TRPM6: variants seen among roughly 807,000 people sequenced by gnomAD.
The protein encoded by TRPM6 is channel kinase 2.
A neutral mutation model predicts 247.6 loss-of-function variants in TRPM6; 111 were observed. That is an observed-to-expected ratio of 0.45 (90% CI 0.38 to 0.52). TRPM6 has a LOEUF of 0.52. Among genes scored for constraint, TRPM6 ranks in the 20% least tolerant of loss-of-function variants. TRPM6 has a pLI of 0.00. For synonymous variants in TRPM6, 892 were observed against 853.8 expected (o/e 1.04, Z -0.78); for missense variants, 2,126 against 2,421.5 (o/e 0.88, Z 2.56).
At chr9:74,827,424 T>G (rs1381018311) in intron 7 of TRPM6, among the ~76,000 whole-genome samples, 2 of 152,158 alleles carry the variant, frequency 1.3e-5, no homozygotes, top group Non-Finnish European at 2.9e-5. Flanking sequence ...AACTTCGGCC[T>G]CTACTCTGTG....
intron 8 of TRPM6, among the ~76,000 whole-genome samples, chr9:74,821,150 T>A (rs968692335): frequency 6.6e-6 from 1 of 152,200 alleles, no homozygotes; most frequent in East Asian, 1.9e-4. Context: ...GCTTTTGAAA[T>A]TGGAAGAACC....
rs568054824 is a variant in TRPM6 at position 74,785,957 on chromosome 9, T to C, written c.2836A>G (p.Ile946Val). 5 of 1,614,240 alleles carry C rather than the reference T, an allele frequency of 3.1e-6. No individual in the cohort carries two copies. Among genetic ancestry groups the C allele is most frequent in the African/African-American group, 2.7e-5 (2 of 75,064 alleles). ...AGGAGCCGTGAGAACCAGAATATGA[T>C]GTCTATGCAGTAGATCAGTCTTCCC... ...TAGRLIYCID[I>V]IFWFSRLLDF... Residue 946 changes from isoleucine to valine, a missense_variant, in exon 21 of 39, where the codon ATC becomes GTC. Ile to Val is a conservative substitution (Grantham distance 29). Coordinates refer to ENST00000360774, the MANE Select transcript of TRPM6 (RefSeq NM_017662.5).
chr9:74,769,293 G>A (rs1295058959), intron 25 of TRPM6, among the ~76,000 whole-genome samples: 1 of 152,094 alleles, frequency 6.6e-6, no homozygotes, highest in African/African-American at 2.4e-5. Flanking sequence ...CTACAGGCAT[G>A]TGCCACCACT....
intron 1 of TRPM6, among the ~76,000 whole-genome samples, chr9:74,872,723 G>C (rs1381232660): frequency 6.6e-6 from 1 of 151,584 alleles, no homozygotes; most frequent in African/African-American, 2.4e-5. Flanking sequence ...GCCAGCCTCA[G>C]CCTCTCAAAG....
At position 74,842,435 on chromosome 9, in the gene TRPM6, A is replaced by G. The variant is rs923580794; in HGVS notation, c.153-92T>C. On this transcript the variant is annotated intron_variant, in intron 3 of 38. Transcript: ENST00000360774. Reference sequence around the variant, plus strand: ...TTCTAAAGTAATGTATAGATGCCATATACTATTTCTTAAAACTTCACATTA... The same window carrying G: ...TTCTAAAGTAATGTATAGATGCCATGTACTATTTCTTAAAACTTCACATTA... 12 of 1,292,404 alleles carry G rather than the reference A, an allele frequency of 9.3e-6. No homozygotes were observed. In the East Asian group the frequency reaches 2.1e-4, roughly 23 times the overall value. The allele number at this position is 1,292,404 out of a possible 1,614,324, so 80.1% of individuals were successfully genotyped here. A position where few individuals can be genotyped will look rare whatever the true frequency, so the allele number is the denominator to read the frequency against.
At chr9:74,788,841 CATG>C (rs1827790698) in intron 19 of TRPM6, 99 bp from the exon 20 acceptor site, 4 of 1,423,864 alleles carry the variant, frequency 2.8e-6, no homozygotes, top group African/African-American at 2.8e-5. Flanking sequence ...TGAACTTCAA[CATG>C]ATAACACGAA....
intron 20 of TRPM6, among the ~76,000 whole-genome samples, chr9:74,786,330 T>C (rs560292036): frequency 1.4e-4 from 21 of 152,380 alleles, no homozygotes; most frequent in Non-Finnish European, 2.6e-4. Flanking sequence ...TTAAGTCATT[T>C]GATAATACCA....
intron 1 of TRPM6, among the ~76,000 whole-genome samples, chr9:74,876,036 G>C (rs1190559887): frequency 1.3e-5 from 2 of 152,116 alleles, no homozygotes; most frequent in Admixed American, 1.3e-4. Context: ...CATATTCAAA[G>C]GTCAACCTGG....
intron 25 of TRPM6, among the ~76,000 whole-genome samples, chr9:74,763,821 C>T (rs529454029): frequency 6.6e-6 from 1 of 152,214 alleles, no homozygotes; most frequent in African/African-American, 2.4e-5. Context: ...ACATGTTCAC[C>T]TTTCAAATGT....
chr9:74,835,935 T>A (rs1436722212), intron 5 of TRPM6, among the ~76,000 whole-genome samples: 1 of 152,142 alleles, frequency 6.6e-6, no homozygotes, highest in South Asian at 2.1e-4. Context: ...CTGTTACAAT[T>A]GATGACCCTA....
chr9:74,775,706 G>A (rs559899368), intron 24 of TRPM6, among the ~76,000 whole-genome samples, 177 bp downstream of exon 24: 3 of 152,200 alleles, frequency 2.0e-5, no homozygotes, highest in South Asian at 4.2e-4. Flanking sequence ...AAGGCACTGC[G>A]ACCTCATAAT....
At chr9:74,855,656 G>T in intron 2 of TRPM6, 91 bp from the exon 3 acceptor site, 1 of 892,936 alleles carries the variant, frequency 1.1e-6, no homozygotes, top group South Asian at 1.3e-5. Context: ...TATTTTCCAT[G>T]ATCTAGAAAT....
chr9:74,811,233 A>G (rs1443039347), intron 12 of TRPM6, among the ~76,000 whole-genome samples: 1 of 152,196 alleles, frequency 6.6e-6, no homozygotes, highest in Non-Finnish European at 1.5e-5. Flanking sequence ...TTAGGGATTC[A>G]ATGACAAATA....
intron 27 of TRPM6, among the ~76,000 whole-genome samples, chr9:74,757,266 T>G (rs1261381217): frequency 6.7e-6 from 1 of 150,268 alleles, no homozygotes; most frequent in East Asian, 2.0e-4. Flanking sequence ...ATAATAAAGA[T>G]AAGAGCAAGC....
At chr9:74,813,196 A>G (rs1293152481) in intron 11 of TRPM6, among the ~76,000 whole-genome samples, 4 of 152,230 alleles carry the variant, frequency 2.6e-5, no homozygotes, top group Non-Finnish European at 5.9e-5. Context: ...AAACTTCATT[A>G]AAACTACAGT....
chr9:74,885,612 G>A lies in TRPM6; in HGVS notation c.33+2212C>T, dbSNP rs1831507632. On this transcript the variant is annotated intron_variant, in intron 1 of 38. Coordinates refer to ENST00000360774, the MANE Select transcript of TRPM6 (RefSeq NM_017662.5). ...CATAATATCTTACCTAACAGTGATG[G>A]ATTTTACAGAAAATAGTTGCCATGT... Among the ~76,000 whole-genome samples the A allele has an allele frequency of 2.6e-5, 4 of 152,216 alleles. No homozygotes were observed. In the South Asian group the frequency reaches 8.3e-4, roughly 31 times the overall value.
At chr9:74,840,731 C>T (rs6560413) in intron 4 of TRPM6, among the ~76,000 whole-genome samples, 89,628 of 151,276 alleles carry the variant, frequency 0.59, 26,885 homozygotes, top group East Asian at 0.8. Flanking sequence ...GCAGGAGAAC[C>T]GCTTGAGCCC....
rs540806749 is a variant in TRPM6, at chr9:74,863,323, A to G, written c.34-4575T>C. Among the ~76,000 whole-genome samples, 4 of 152,224 alleles carry G rather than the reference A, an allele frequency of 2.6e-5. No homozygotes were observed. The South Asian group carries it at 8.3e-4, about 32-fold the overall frequency. The stretch of plus-strand genomic sequence containing the variant: ...CGGCCTCCCAAAGTGCTAGGATTAC[A>G]GGCGTGAGCCACTGTGCATGACTGA... On this transcript the variant is annotated intron_variant, in intron 1 of 38. Coordinates refer to ENST00000360774, the MANE Select transcript of TRPM6 (RefSeq NM_017662.5).
chr9:74,823,016 G>A (rs1230649237), intron 7 of TRPM6, among the ~76,000 whole-genome samples: 1 of 152,156 alleles, frequency 6.6e-6, no homozygotes, highest in East Asian at 1.9e-4. Flanking sequence ...TATTTATTCT[G>A]TAGATTTCTT....
Sources: gnomAD v4.1 joint callset for allele counts (sites outside exome capture counted in the v4.1 genomes callset) on GRCh38, gnomAD v4.1.1 for gene constraint, MANE v1.5 for transcripts, NCBI Gene and HGNC (gene_info 2026-07-23, HGNC 2026-07-21) for gene names.